Variants in NFX1 observed in about 807,000 individuals in gnomAD.
NFX1 encodes the protein transcriptional repressor NF-X1.
NFX1 carries 69 observed loss-of-function variants against 137.2 expected under a neutral mutation model. That is an observed-to-expected ratio of 0.50 (90% CI 0.41 to 0.61). The LOEUF is 0.61. Ranked by LOEUF, NFX1 falls within the 20% of genes least tolerant of loss-of-function variation. The pLI, the probability that NFX1 is intolerant of heterozygous loss-of-function variation, is 0.00. For missense variants in NFX1, 1,167 were observed against 1,391.0 expected, an observed-to-expected ratio of 0.84 and a Z score of 2.56; for synonymous variants, 495 against 474.1, an observed-to-expected ratio of 1.04 and a Z score of -0.57.
chr9:33,315,409 T>C (rs1822122465), intron 7 of NFX1, among the ~76,000 whole-genome samples: 1 of 152,124 alleles, frequency 6.6e-6, no homozygotes, highest in Non-Finnish European at 1.5e-5. Flanking sequence ...GTTTTTTCTT[T>C]TATTGAGCCA....
rs745984486 is a variant in NFX1, at chr9:33,364,042, A to T, written c.2906A>T (p.Asp969Val). 1.2e-6 allele frequency: 2 copies of T among 1,602,214 alleles called. No individual in the cohort carries two copies. The highest frequency in any genetic ancestry group is 2.3e-5 in the South Asian group (2 of 88,580). Residue 969 changes from aspartate (D) to valine (V), a missense_variant, in exon 20 of 24, where the codon GAT becomes GTT. Coordinates refer to ENST00000379540, the MANE Select transcript of NFX1 (RefSeq NM_002504.6). ...GCAGAGGCATTTCATATCAGTGAGGATTCTGATCCTTTCAATATACGTTCT... is the reference window on the plus strand; with the variant it reads ...GCAGAGGCATTTCATATCAGTGAGGTTTCTGATCCTTTCAATATACGTTCT... ...RLAEAFHISE[D>V]SDPFNIRSSG...
At chr9:33,314,709 T>C (rs1028870113) in intron 7 of NFX1, among the ~76,000 whole-genome samples, 55 of 151,970 alleles carry the variant, frequency 3.6e-4, no homozygotes, top group African/African-American at 1.3e-3. Context: ...ATATGTGAAA[T>C]CTAAGAACAT....
In NFX1 at chr9:33,322,773, A is replaced by G. The variant is rs1291526599; in HGVS notation, c.1906+3646A>G. Among the ~76,000 whole-genome samples the G allele has an allele frequency of 2.6e-5, 4 of 152,310 alleles. No individual in the cohort carries two copies. In the East Asian group the frequency reaches 5.8e-4, roughly 22 times the overall value. On this transcript the variant is annotated intron_variant, in intron 9 of 23. Transcript: ENST00000379540. Reference sequence around the variant, plus strand: ...AAAAGAGAGCTCCGAGGTACTCTCCAAAGGAACTGACTTTATTTGAAACAG... The same window carrying G: ...AAAAGAGAGCTCCGAGGTACTCTCCGAAGGAACTGACTTTATTTGAAACAG...
At chr9:33,322,166 A>C (rs1256493011) in intron 9 of NFX1, among the ~76,000 whole-genome samples, 1 of 150,546 alleles carries the variant, frequency 6.6e-6, no homozygotes, top group Non-Finnish European at 1.5e-5. Flanking sequence ...ATGCCACTGC[A>C]CTCCAGCCTA....
rs929525061 is a variant in NFX1 at position 33,364,076 on chromosome 9, A to C, written c.2940A>C (p.Ser980=). The C allele has an allele frequency of 1.2e-6, 2 of 1,604,698 alleles. No individual in the cohort carries two copies. The highest frequency in any genetic ancestry group is 1.7e-5 in the Admixed American group (1 of 58,334). Residue 980 remains serine, a synonymous_variant, in exon 20 of 24, where the codon TCA becomes TCC. Coordinates refer to ENST00000379540, the MANE Select transcript of NFX1 (RefSeq NM_002504.6). ...SDPFNIRSSG[S]KFSDSLKEDA... ...CTTTCAATATACGTTCTTCAGGGTC[A>C]AAATTCAGTGATAGTTTGAAAGAAG...
intron 3 of NFX1, 110 bp downstream of exon 3, chr9:33,301,531 G>A (rs560882763): frequency 8.4e-7 from 1 of 1,187,536 alleles, no homozygotes; most frequent in Non-Finnish European, 1.2e-6. Flanking sequence ...TACTTTTTCT[G>A]CAGGGAGAGT....
intron 4 of NFX1, among the ~76,000 whole-genome samples, chr9:33,305,821 G>A (rs1370224508): frequency 6.6e-6 from 1 of 152,178 alleles, no homozygotes; most frequent in African/African-American, 2.4e-5. Context: ...GGAGGAGTGA[G>A]CAGAACATAC....
rs566832610 is a variant in NFX1 at position 33,294,690 on chromosome 9, A to G, written c.296A>G (p.His99Arg). 10 of 1,614,206 alleles carry G rather than the reference A, an allele frequency of 6.2e-6. No individual in the cohort carries two copies. The highest frequency in any genetic ancestry group is 5.0e-5 in the Admixed American group (3 of 60,030). The change falls in exon 2 of 24, where the codon CAT becomes CGT. Residue 99 changes from histidine to arginine, a missense_variant. By Grantham distance (29) the His-to-Arg change is conservative (BLOSUM62 0). Around this residue, in one of 3 missense-constraint regions of NFX1, gnomAD observed 367 missense variants for 386.7 expected, o/e 0.95. Coordinates refer to ENST00000379540, the MANE Select transcript of NFX1 (RefSeq NM_002504.6). ...CCTTGTAATAAATCGCCCAAGAGCC[A>G]TGGCCTTCAGAATCAACCTTGGCAG... is the stretch of plus-strand genomic sequence containing the variant. ...SSPCNKSPKSHGLQNQPWQKL... is the reference protein window; with the variant it reads ...SSPCNKSPKSRGLQNQPWQKL...
At chr9:33,329,442 G>A (rs538698533) in intron 10 of NFX1, among the ~76,000 whole-genome samples, 10 of 152,032 alleles carry the variant, frequency 6.6e-5, no homozygotes, top group African/African-American at 2.2e-4. Flanking sequence ...CCTAAATCAC[G>A]TAATTGGACT....
chr9:33,328,105 T>C (rs1822663451), intron 9 of NFX1, among the ~76,000 whole-genome samples: 1 of 152,046 alleles, frequency 6.6e-6, no homozygotes, highest in Non-Finnish European at 1.5e-5. Context: ...CAACGTCCCA[T>C]GCTCAGGAGA....
intron 1 of NFX1, 105 bp downstream of exon 1, chr9:33,290,702 T>G: frequency 8.8e-7 from 1 of 1,130,150 alleles, no homozygotes; most frequent in Non-Finnish European, 1.3e-6. Flanking sequence ...GAGTAGCACA[T>G]GCTAGGGCGT....
chr9:33,356,915 C>G (rs185319858), intron 19 of NFX1, among the ~76,000 whole-genome samples: 2 of 151,142 alleles, frequency 1.3e-5, no homozygotes, highest in African/African-American at 4.9e-5. Flanking sequence ...TTGCTTGAAC[C>G]TGCGAGGTTG....
At chr9:33,362,947 G>A (rs1024254202) in intron 19 of NFX1, among the ~76,000 whole-genome samples, 3 of 151,600 alleles carry the variant, frequency 2.0e-5, no homozygotes, top group Admixed American at 6.6e-5. Flanking sequence ...CAGGTGATCC[G>A]CCCGCCTCGG....
At chr9:33,357,267 ACT>A (rs1402555048) in intron 19 of NFX1, among the ~76,000 whole-genome samples, 5 of 152,046 alleles carry the variant, frequency 3.3e-5, no homozygotes, top group Non-Finnish European at 7.4e-5. Context: ...GTGCCACTGC[ACT>A]CTAGCCTGGG....
chr9:33,318,659 A>G (rs1442573889), intron 7 of NFX1, 72 bp from the exon 8 acceptor site: 1 of 1,388,666 alleles, frequency 7.2e-7, no homozygotes, highest in East Asian at 2.3e-5. Context: ...GTATTTTCTT[A>G]TAGATTATTT....
chr9:33,290,748 C>A, intron 1 of NFX1, 151 bp downstream of exon 1: 1 of 710,474 alleles, frequency 1.4e-6, no homozygotes, highest in Non-Finnish European at 2.2e-6. Flanking sequence ...CCCCGCGCAT[C>A]GTGCGTACGA....
Position 33,294,907 on chromosome 9 carries a change from AAC to A in NFX1, c.517_518del (p.Gln173ValfsTer7). ...CCAGGGGAGCAAAACCCAAAAAAGC[AAC>A]ACAGTTTGTATACAGCTATGGTAGA... is the stretch of plus-strand genomic sequence containing the variant. The part of the protein sequence containing the change: ...DPRGAKPKKA[T>X]QFVYSYGRGP... On this transcript the variant is annotated frameshift_variant, in exon 2 of 24. Transcript: ENST00000379540. LOFTEE classifies it high-confidence loss of function. The A allele has an allele frequency of 3.1e-6, 5 of 1,614,180 alleles. No homozygotes were observed. Among genetic ancestry groups the A allele is most frequent in the Non-Finnish European group, 4.2e-6 (5 of 1,180,030 alleles).
intron 3 of NFX1, 24 bp from the exon 4 acceptor site, chr9:33,303,167 G>T (rs757871082): frequency 1.2e-6 from 2 of 1,603,710 alleles, no homozygotes; most frequent in Non-Finnish European, 1.7e-6. Context: ...AATTTATTTG[G>T]CCTACTCCCA....
At position 33,351,703 on chromosome 9, in the gene NFX1, C is replaced by T. The variant is rs768028637; in HGVS notation, c.2568C>T (p.Cys856=). 6.2e-7 allele frequency: 1 copy of T among 1,614,010 alleles called. No homozygotes were observed. The highest frequency in any genetic ancestry group is 8.5e-7 in the Non-Finnish European group (1 of 1,179,980). ...TGGATGAGCCCTGCAAGCAGCCCTG[C>T]ACCACCCCCAGAGCTGACTGTGGTC... ...CLVDEPCKQP[C]TTPRADCGHP... Residue 856 remains cysteine, a synonymous_variant, in exon 16 of 24, where the codon TGC becomes TGT. Coordinates refer to ENST00000379540, the MANE Select transcript of NFX1 (RefSeq NM_002504.6).
Sources: allele counts gnomAD v4.1 joint callset (sites outside exome capture counted in the v4.1 genomes callset), GRCh38; gene constraint gnomAD v4.1.1; regional missense constraint gnomAD v4.1.1; transcripts MANE v1.5; gene names NCBI Gene and HGNC (gene_info 2026-07-23, HGNC 2026-07-21).